FRMPD4: variants seen among roughly 807,000 people sequenced by gnomAD.
The protein encoded by FRMPD4 is FERM and PDZ domain containing 4, also known as FERM and PDZ domain-containing protein 4.
FRMPD4 carries 22 observed loss-of-function variants against 94.1 expected under a neutral mutation model. The observed-to-expected ratio is 0.23, with a 90% CI of 0.17 to 0.33. FRMPD4 has a LOEUF of 0.33. Ranked by LOEUF, FRMPD4 falls within the 10% of genes least tolerant of loss-of-function variation. FRMPD4 has a pLI of 1.00. For synonymous variants in FRMPD4, 631 were observed against 548.6 expected, an observed-to-expected ratio of 1.15 and a Z score of -2.10; for missense variants, 1,111 against 1,339.9, an observed-to-expected ratio of 0.83 and a Z score of 2.67.
At chrX:12,465,976 C>G (rs918151157) in intron 1 of FRMPD4, among the ~76,000 whole-genome samples, 6 of 80,484 alleles carry the variant, frequency 7.5e-5, no homozygotes, top group Non-Finnish European at 1.7e-4. Context: ...GACCTGTGTT[C>G]TCATTTCTTC....
chrX:12,423,570 G>A lies in FRMPD4; in HGVS notation c.42-75110G>A, dbSNP rs767690114. 3.6e-5 allele frequency among the ~76,000 whole-genome samples: 4 copies of A among 112,007 alleles called. No individual in the cohort carries two copies. The Admixed American group carries it at 3.8e-4, about 11-fold the overall frequency. ...TTGTTGCCCAAGTGAGGGTGGGGGTGCAGAAAGGTTTGCAAGGGAAAAATA... is the reference window on the plus strand; with the variant it reads ...TTGTTGCCCAAGTGAGGGTGGGGGTACAGAAAGGTTTGCAAGGGAAAAATA... On this transcript the variant is annotated intron_variant, in intron 1 of 16. Transcript: ENST00000675598.
At chrX:12,600,617 A>G (rs958370877) in intron 2 of FRMPD4, among the ~76,000 whole-genome samples, 1 of 112,290 alleles carries the variant, frequency 8.9e-6, no homozygotes, top group Admixed American at 9.4e-5. Flanking sequence ...GTTCATTGTC[A>G]CCAGCAAACC....
At chrX:12,553,011 C>G (rs1485886857) in intron 2 of FRMPD4, among the ~76,000 whole-genome samples, 1 of 111,191 alleles carries the variant, frequency 9.0e-6, no homozygotes, top group African/African-American at 3.3e-5. Flanking sequence ...CAAGAGTTAG[C>G]TGGGCGTGGT....
chrX:12,055,770 T>C (rs1208386696), intron 3 of FRMPD4, among the ~76,000 whole-genome samples: 1 of 111,589 alleles, frequency 9.0e-6, no homozygotes, highest in Non-Finnish European at 1.9e-5. Flanking sequence ...CATGTCCAAC[T>C]AGAGAGGATG....
At chrX:11,887,683 G>C (rs753286451) in intron 3 of FRMPD4, among the ~76,000 whole-genome samples, 1 of 112,094 alleles carries the variant, frequency 8.9e-6, no homozygotes, top group Non-Finnish European at 1.9e-5. Context: ...AATGCTAACT[G>C]TGTACCCAGC....
At chrX:12,486,924 A>C (rs1472476233) in intron 1 of FRMPD4, among the ~76,000 whole-genome samples, 1 of 112,199 alleles carries the variant, frequency 8.9e-6, no homozygotes, top group African/African-American at 3.2e-5. Flanking sequence ...GAAGCTGGGA[A>C]TGATGGATGA....
At chrX:12,153,227 C>T (rs1340402403) in intron 1 of FRMPD4, among the ~76,000 whole-genome samples, 2 of 111,523 alleles carry the variant, frequency 1.8e-5, no homozygotes, top group Non-Finnish European at 3.8e-5. Flanking sequence ...TGAGCCACCG[C>T]GAGCTTATAC....
At chrX:12,705,784 A>G (rs1359986817) in intron 11 of FRMPD4, among the ~76,000 whole-genome samples, 2 of 111,717 alleles carry the variant, frequency 1.8e-5, no homozygotes, top group Non-Finnish European at 3.8e-5. Context: ...AGATCAATCA[A>G]CCTATCCATT....
chrX:11,974,503 T>C (rs1436676394), intron 3 of FRMPD4, among the ~76,000 whole-genome samples: 1 of 111,764 alleles, frequency 8.9e-6, no homozygotes, highest in Non-Finnish European at 1.9e-5. Context: ...CTTTTCTTTA[T>C]AAATTACCCA....
chrX:12,041,590 T>C (rs746887754), intron 3 of FRMPD4, among the ~76,000 whole-genome samples: 44 of 111,310 alleles, frequency 4.0e-4, no homozygotes, highest in Non-Finnish European at 6.4e-4. Flanking sequence ...TTTCTCTTTG[T>C]CTTTGGCTTT....
chrX:11,895,210 T>A (rs751109109), intron 3 of FRMPD4, among the ~76,000 whole-genome samples: 5 of 111,960 alleles, frequency 4.5e-5, no homozygotes, highest in African/African-American at 1.6e-4. Flanking sequence ...CATTGCAGGA[T>A]CTTTAGCAGC....
intron 2 of FRMPD4, among the ~76,000 whole-genome samples, chrX:12,525,404 A>G (rs2148279056): frequency 8.9e-6 from 1 of 111,884 alleles, no homozygotes; most frequent in South Asian, 3.8e-4. Flanking sequence ...ACGTTAAGTC[A>G]CACCCTACAA....
At chrX:12,056,454 G>A (rs1367612652) in intron 3 of FRMPD4, among the ~76,000 whole-genome samples, 1 of 111,487 alleles carries the variant, frequency 9.0e-6, no homozygotes, top group Non-Finnish European at 1.9e-5. Flanking sequence ...AACGTTGGGG[G>A]AGGAAGTTAG....
intron 1 of FRMPD4, among the ~76,000 whole-genome samples, chrX:12,399,179 G>A (rs1428382864): frequency 9.0e-6 from 1 of 111,592 alleles, no homozygotes; most frequent in African/African-American, 3.3e-5. Context: ...TGTGCTTGTT[G>A]TGTCACCATT....
At chrX:12,157,529 G>T (rs776399105) in intron 1 of FRMPD4, among the ~76,000 whole-genome samples, 1 of 111,250 alleles carries the variant, frequency 9.0e-6, no homozygotes, top group Non-Finnish European at 1.9e-5. Context: ...CAAGCCTTTA[G>T]GAATGTAAGT....
intron 1 of FRMPD4, among the ~76,000 whole-genome samples, chrX:12,298,112 T>G (rs1360163349): frequency 1.8e-5 from 2 of 112,176 alleles, no homozygotes; most frequent in African/African-American, 3.2e-5. Context: ...TTTCCCATGT[T>G]GATAAGATTA....
intron 3 of FRMPD4, among the ~76,000 whole-genome samples, chrX:12,052,762 T>C (rs145915462): frequency 3.4e-3 from 379 of 112,010 alleles, no homozygotes; most frequent in Middle Eastern, 9.2e-3. Flanking sequence ...AAGTCTCTTA[T>C]TTAGTAAGCA....
Position 12,718,125 on chromosome X carries a change from G to A in FRMPD4, c.3299G>A (p.Gly1100Glu). The change falls in exon 16 of 17, where the codon GGG becomes GAG. Residue 1100 changes from glycine to glutamate, a missense_variant. Physicochemically the swap from Gly to Glu is moderately conservative, Grantham distance 98. This residue lies in a region of FRMPD4 where 551 missense variants were observed against 591.6 expected (regional missense o/e 0.93). Coordinates refer to ENST00000675598, the MANE Select transcript of FRMPD4 (RefSeq NM_001368397.1). ...SQRWYVATEG[G>E]MAEKSGLEAA... is the part of the protein sequence containing the mutation. ...AGATGGTATGTGGCCACTGAAGGTG[G>A]GATGGCTGAAAAAAGTGGATTAGAA... The A allele has an allele frequency of 8.3e-7, 1 of 1,211,477 alleles. No individual in the cohort carries two copies. The highest frequency in any genetic ancestry group is 1.8e-5 in the South Asian group (1 of 56,976).
intron 1 of FRMPD4, among the ~76,000 whole-genome samples, chrX:12,165,350 A>C (rs891472554): frequency 2.7e-5 from 3 of 112,116 alleles, no homozygotes; most frequent in African/African-American, 9.7e-5. Flanking sequence ...GTCAAAAATC[A>C]GATAGTTGTA....
Sources: gnomAD v4.1 joint callset for allele counts (sites outside exome capture counted in the v4.1 genomes callset) on GRCh38, gnomAD v4.1.1 for gene constraint, gnomAD v4.1.1 regional missense constraint, MANE v1.5 for transcripts, NCBI Gene and HGNC (gene_info 2026-07-23, HGNC 2026-07-21) for gene names.